The following LAMA1 variants were observed in gnomAD, a reference collection of about 807,000 sequenced individuals.
LAMA1 encodes laminin subunit alpha-1.
A neutral mutation model predicts 348.7 loss-of-function variants in LAMA1; 219 were observed. The observed-to-expected ratio is 0.63, with a 90% CI of 0.56 to 0.70. The LOEUF is 0.70. Among genes scored for constraint, LAMA1 ranks in the 30% least tolerant of loss-of-function variants. The probability of loss-of-function intolerance (pLI) is 0.00; values close to 1 mark genes in which losing one functional copy is unlikely to be tolerated. For synonymous variants in LAMA1, 1,487 were observed against 1,491.0 expected (o/e 1.00, Z 0.06); for missense variants, 3,744 against 3,888.0 (o/e 0.96, Z 0.99).
At position 6,967,914 on chromosome 18, in the gene LAMA1, C is replaced by T. The variant is rs540950203; in HGVS notation, c.6900-1617G>A. On this transcript the variant is annotated intron_variant, in intron 48 of 62. Transcript: ENST00000389658. The stretch of plus-strand genomic sequence containing the variant: ...GGGTTCTCTCCCCAAACAGGGCCTG[C>T]TGGAGTGAGGTGGCCACGAAGAGGG... 1.9e-3 allele frequency among the ~76,000 whole-genome samples: 296 copies of T among 152,224 alleles called. 2 individuals are homozygous for T. Among genetic ancestry groups the T allele is most frequent in the South Asian group, 0.012 (60 of 4,814 alleles).
Position 6,942,462 on chromosome 18 carries a change from G to GGAGT in LAMA1, c.9068-227_9068-224dup, listed in dbSNP as rs368068444. Reference sequence around the variant, plus strand: ...GGAGTCTCGCTCTGCCACCTAGGCTGGAGTGCAGTGGCGCGATCTCGGCTC... The same window carrying GGAGT: ...GGAGTCTCGCTCTGCCACCTAGGCTGGAGTGAGTGCAGTGGCGCGATCTCGGCTC... On this transcript the variant is annotated intron_variant, in intron 62 of 62. Coordinates refer to ENST00000389658, the MANE Select transcript of LAMA1 (RefSeq NM_005559.4). 3.2e-3 allele frequency among the ~76,000 whole-genome samples: 488 copies of GGAGT among 151,906 alleles called. 2 individuals carry two copies. Among genetic ancestry groups the GGAGT allele is most frequent in the African/African-American group, 0.011 (468 of 41,436 alleles).
chr18:6,988,731 C>T (rs947213229), intron 36 of LAMA1, among the ~76,000 whole-genome samples: 6 of 146,334 alleles, frequency 4.1e-5, no homozygotes, highest in Middle Eastern at 3.4e-3. Context: ...CGCTTGAACC[C>T]GGGAGGCGGA....
chr18:6,961,628 G>A lies in LAMA1; in HGVS notation c.7584C>T (p.Gly2528=), dbSNP rs780954459. 10 of 1,613,934 alleles carry A rather than the reference G, an allele frequency of 6.2e-6. No individual in the cohort carries two copies. The highest frequency in any genetic ancestry group is 1.1e-5 in the South Asian group (1 of 91,062). ...GATCACCCCGCTTCTCCACATCCCC[G>A]CCGAGGGCAGCCAGGATGATGCCAC... ...NSSGIILAAL[G]GDVEKRGDRE... is the part of the protein sequence containing the mutation. The change falls in exon 53 of 63, where the codon GGC becomes GGT. Residue 2528 remains glycine (G), a synonymous_variant. Transcript: ENST00000389658.
intron 29 of LAMA1, among the ~76,000 whole-genome samples, chr18:7,006,465 GC>G (rs1212307331): frequency 1.3e-5 from 2 of 152,104 alleles, no homozygotes; most frequent in Non-Finnish European, 2.9e-5. Flanking sequence ...TCCCACGTGA[GC>G]CCCCAAACTT....
At chr18:7,066,822 A>T (rs2058124609) in intron 3 of LAMA1, among the ~76,000 whole-genome samples, 1 of 152,240 alleles carries the variant, frequency 6.6e-6, no homozygotes. Flanking sequence ...TGAAAAAAAT[A>T]AGGCAATAAA....
chr18:6,973,241 C>T, intron 46 of LAMA1, 34 bp from the exon 47 acceptor site: 1 of 1,603,690 alleles, frequency 6.2e-7, no homozygotes. Context: ...AAGAAATTTT[C>T]AGAATTTCCA....
At chr18:6,959,746 T>C (rs921739310) in intron 53 of LAMA1, 3 of 458,858 alleles carry the variant, frequency 6.5e-6, no homozygotes, top group Admixed American at 3.3e-5. Flanking sequence ...CTCATATTTA[T>C]GGTTTATTGC....
chr18:7,033,528 A>G (rs73394449), intron 14 of LAMA1, among the ~76,000 whole-genome samples: 2,792 of 152,026 alleles, frequency 0.018, 104 homozygotes, highest in African/African-American at 0.064. Flanking sequence ...GGTCTTTCAC[A>G]ACAATATATT....
chr18:7,039,048 G>T, intron 10 of LAMA1, 98 bp from the exon 11 acceptor site: 1 of 984,398 alleles, frequency 1.0e-6, no homozygotes, highest in Non-Finnish European at 1.6e-6. Context: ...GATCCACAGA[G>T]ACAGGTGAAT....
chr18:6,978,594 AT>A (rs1377711436), intron 42 of LAMA1, among the ~76,000 whole-genome samples: 1 of 152,170 alleles, frequency 6.6e-6, no homozygotes, highest in African/African-American at 2.4e-5. Context: ...AAAGCTGCAT[AT>A]CATATGCTCT....
At chr18:7,010,518 G>A in intron 25 of LAMA1, 133 bp from the exon 26 acceptor site, 1 of 861,894 alleles carries the variant, frequency 1.2e-6, no homozygotes, top group Non-Finnish European at 1.9e-6. Context: ...TTTGTTGTCT[G>A]GAATTTGCTT....
At position 6,961,663 on chromosome 18, in the gene LAMA1, T is replaced by C; in HGVS notation, c.7549A>G (p.Thr2517Ala). 1 of 1,614,118 alleles carries C rather than the reference T, an allele frequency of 6.2e-7. No individual in the cohort carries two copies. The highest frequency in any genetic ancestry group is 8.5e-7 in the Non-Finnish European group (1 of 1,180,016). ...GCCAGGATGATGCCACTGCTGTTCG[T>C]GGTGGCAAATGTTACCAGCCATTCT... is the stretch of plus-strand genomic sequence containing the variant. ...ESEWLVTFAT[T>A]NSSGIILAAL... The change falls in exon 53 of 63, where the codon ACG becomes GCG. Residue 2517 changes from threonine (T) to alanine (A), a missense_variant. Around this residue, in one of 3 missense-constraint regions of LAMA1, gnomAD observed 1,983 missense variants for 1,934.3 expected, o/e 1.03. Coordinates refer to ENST00000389658, the MANE Select transcript of LAMA1 (RefSeq NM_005559.4).
At position 6,959,387 on chromosome 18, in the gene LAMA1, A is replaced by G. The variant is rs754882869; in HGVS notation, c.7732T>C (p.Cys2578Arg). Residue 2578 changes from cysteine (C) to arginine (R), a missense_variant, in exon 54 of 63, where the codon TGC (cysteine) becomes CGC (arginine). Coordinates refer to ENST00000389658, the MANE Select transcript of LAMA1 (RefSeq NM_005559.4). ...KALLHAPTGT[C>R]SDGQAHSISL... ...ATGGAATGCGCTTGTCCATCACTGC[A>G]GGTACCCGTGGGAGCGTGCAGGAGA... 3.7e-6 allele frequency: 6 copies of G among 1,614,180 alleles called. No homozygotes were observed. Among genetic ancestry groups the G allele is most frequent in the Non-Finnish European group, 5.1e-6 (6 of 1,180,048 alleles).
At chr18:7,021,039 C>CT (rs1351236079) in intron 19 of LAMA1, among the ~76,000 whole-genome samples, 2 of 152,174 alleles carry the variant, frequency 1.3e-5, no homozygotes, top group African/African-American at 4.8e-5. Context: ...CTCCCTGTCT[C>CT]TGTCTTTTCC....
At chr18:7,024,276 T>C in intron 18 of LAMA1, 104 bp downstream of exon 18, 2 of 764,364 alleles carry the variant, frequency 2.6e-6, no homozygotes, top group Non-Finnish European at 4.4e-6. Flanking sequence ...ATAACAATTA[T>C]GCATCAAAAC....
At chr18:6,951,103 C>T (rs1209874951) in intron 57 of LAMA1, 132 bp from the exon 58 acceptor site, 4 of 786,512 alleles carry the variant, frequency 5.1e-6, no homozygotes, top group Non-Finnish European at 8.5e-6. Context: ...TTCATTCCTT[C>T]ATCCATTTAC....
intron 6 of LAMA1, among the ~76,000 whole-genome samples, chr18:7,045,953 C>CTTT (rs77576027): frequency 1.4e-5 from 2 of 142,888 alleles, no homozygotes; most frequent in African/African-American, 5.1e-5. Context: ...TATAATTGCA[C>CTTT]TTTTTTTTTT....
rs1036634936 is a variant in LAMA1 at position 7,016,562 on chromosome 18, G to A, written c.2918C>T (p.Pro973Leu). 11 of 1,613,976 alleles carry A rather than the reference G, an allele frequency of 6.8e-6. No homozygotes were observed. Among genetic ancestry groups the A allele is most frequent in the Non-Finnish European group, 8.5e-6 (10 of 1,179,968 alleles). ...CTDEGQCHCVPGVAGKRCDRC... is the reference protein window; with the variant it reads ...CTDEGQCHCVLGVAGKRCDRC... ...GTCACACCTTTTCCCTGCCACACCT[G>A]GGACACAGTGACACTGGCCTTCATC... is the stretch of plus-strand genomic sequence containing the variant. The change falls in exon 21 of 63, where the codon CCA becomes CTA. Residue 973 changes from proline (P) to leucine (L), a missense_variant. Around this residue, in one of 3 missense-constraint regions of LAMA1, gnomAD observed 1,529 missense variants for 1,689.4 expected, o/e 0.91. Transcript: ENST00000389658.
chr18:7,061,015 C>T (rs1379287128), intron 3 of LAMA1, among the ~76,000 whole-genome samples: 2 of 152,110 alleles, frequency 1.3e-5, no homozygotes, highest in South Asian at 4.1e-4. Flanking sequence ...AAAAATCATG[C>T]AGGCATGGTG....
Sources: allele counts gnomAD v4.1 joint callset (sites outside exome capture counted in the v4.1 genomes callset), GRCh38; gene constraint gnomAD v4.1.1; regional missense constraint gnomAD v4.1.1; transcripts MANE v1.5; gene names NCBI Gene and HGNC (gene_info 2026-07-23, HGNC 2026-07-21).